The following SEC31A variants were observed in gnomAD, a reference collection of about 807,000 sequenced individuals.
SEC31A encodes the protein SEC31 homolog A, COPII component.
In SEC31A, 70 loss-of-function variants were observed where a neutral mutation model predicts 151.0. That is an observed-to-expected ratio of 0.46 (90% CI 0.38 to 0.57). SEC31A has a LOEUF of 0.57. Among genes scored for constraint, SEC31A ranks in the 20% least tolerant of loss-of-function variants. The probability of loss-of-function intolerance (pLI) is 0.00; values close to 1 mark genes in which losing one functional copy is unlikely to be tolerated. For missense variants in SEC31A, 1,330 were observed against 1,471.2 expected, an observed-to-expected ratio of 0.90 and a Z score of 1.57; for synonymous variants, 475 against 505.9, an observed-to-expected ratio of 0.94 and a Z score of 0.82.
chr4:82,898,537 C>G (rs1443150862), intron 3 of SEC31A, among the ~76,000 whole-genome samples: 5 of 152,184 alleles, frequency 3.3e-5, no homozygotes, highest in Non-Finnish European at 7.3e-5. Flanking sequence ...GTAGGAAGCA[C>G]ACTATTTCAT....
intron 17 of SEC31A, among the ~76,000 whole-genome samples, chr4:82,854,647 G>A (rs892594044): frequency 7.3e-5 from 11 of 150,422 alleles, no homozygotes; most frequent in African/African-American, 2.4e-4. Flanking sequence ...AGATCATACA[G>A]CTACTAAGTA....
chr4:82,842,342 C>A lies in SEC31A; in HGVS notation c.2766G>T (p.Gln922His). The stretch of plus-strand genomic sequence containing the variant: ...GGTGCTGTGCTGCGTACAGCTGAGA[C>A]TGCCCAGTATAGGAAGAAGCAGAAG... ...YISSASSYTG[Q>H]SQLYAAQHQA... The change falls in exon 22 of 27, where the codon CAG (glutamine) becomes CAT (histidine). Residue 922 changes from glutamine to histidine, a missense_variant. Gln to His is a conservative substitution (Grantham distance 24). Transcript: ENST00000395310. 6.2e-7 allele frequency: 1 copy of A among 1,613,694 alleles called. No individual in the cohort carries two copies. Among genetic ancestry groups the A allele is most frequent in the South Asian group, 1.1e-5 (1 of 91,020 alleles).
intron 1 of SEC31A, among the ~76,000 whole-genome samples, chr4:82,884,857 T>C (rs977113893): frequency 6.6e-6 from 1 of 152,176 alleles, no homozygotes; most frequent in Non-Finnish European, 1.5e-5. Context: ...AGATCTCCTA[T>C]ATCCTTACTT....
intron 3 of SEC31A, chr4:82,899,663 G>C (rs1247978585): frequency 6.6e-6 from 1 of 152,532 alleles, no homozygotes; most frequent in Non-Finnish European, 1.5e-5. Context: ...ATTCCATTCA[G>C]AGAAGATACA....
Position 82,857,236 on chromosome 4 carries a change from C to G in SEC31A, c.1703-106G>C. ...TTTTATATATATACATGAATGGAGA[C>G]CACAACACTAATTTCTGATTACTAG... On this transcript the variant is annotated intron_variant, in intron 15 of 26. Coordinates refer to ENST00000395310, the MANE Select transcript of SEC31A (RefSeq NM_001077207.4). 1.3e-5 allele frequency: 11 copies of G among 872,208 alleles called. No homozygotes were observed. The South Asian group carries it at 1.5e-4, about 12-fold the overall frequency. 54.0% of individuals were successfully genotyped at this position (872,208 alleles called of 1,614,324 possible). A position where few individuals can be genotyped will look rare whatever the true frequency, so the allele number is the denominator to read the frequency against.
At chr4:82,824,752 AACAGAAACCGACAACCTTGT>A in intron 24 of SEC31A, 78 bp from the exon 25 acceptor site, 1 of 1,512,002 alleles carries the variant, frequency 6.6e-7, no homozygotes, top group Non-Finnish European at 8.9e-7. Context: ...CTATGTGATA[AACAGAAACCGACAACCTTGT>A]ACATAGACCT....
intron 8 of SEC31A, among the ~76,000 whole-genome samples, chr4:82,868,496 G>C (rs1420079333): frequency 6.9e-6 from 1 of 144,722 alleles, no homozygotes; most frequent in Non-Finnish European, 1.5e-5. Flanking sequence ...GCAAGACCCT[G>C]ACAAAAAAAT....
At chr4:82,849,071 T>A in intron 19 of SEC31A, 94 bp from the exon 20 acceptor site, 1 of 1,150,566 alleles carries the variant, frequency 8.7e-7, no homozygotes, top group South Asian at 1.5e-5. Flanking sequence ...CATCAAGATA[T>A]CCCTTTTTGT....
At chr4:82,827,309 A>G (rs1724831681) in intron 24 of SEC31A, 60 bp downstream of exon 24, 2 of 1,533,406 alleles carry the variant, frequency 1.3e-6, no homozygotes, top group Non-Finnish European at 1.8e-6. Context: ...TTAGCACATT[A>G]AAGAAAATAT....
intron 22 of SEC31A, among the ~76,000 whole-genome samples, chr4:82,832,248 C>A (rs1726113286): frequency 2.0e-5 from 3 of 152,186 alleles, no homozygotes; most frequent in African/African-American, 7.2e-5. Flanking sequence ...CTCAGAAATA[C>A]CACCACACAT....
intron 7 of SEC31A, chr4:82,871,311 TACAC>T (rs10548601): frequency 0.26 from 317,508 of 1,233,720 alleles, 26,024 homozygotes; most frequent in African/African-American, 0.44. Flanking sequence ...TATACATGCA[TACAC>T]ACACACACAC....
Position 82,842,414 on chromosome 4 carries a change from A to AGGCT in SEC31A, c.2690_2693dup (p.Val899AlafsTer12), listed in dbSNP as rs1230769751. Reference sequence around the variant, plus strand: ...AAGCGTTTGAAGTAGGAGGAGCAACAGGCTGCTGAGGTCGATACATTGCTG... The same window carrying AGGCT: ...AAGCGTTTGAAGTAGGAGGAGCAACAGGCTGGCTGCTGAGGTCGATACATTGCTG... On this transcript the variant is annotated frameshift_variant, in exon 22 of 27. Coordinates refer to ENST00000395310, the MANE Select transcript of SEC31A (RefSeq NM_001077207.4). LOFTEE classifies it high-confidence loss of function. 1 of 1,613,894 alleles carries AGGCT rather than the reference A, an allele frequency of 6.2e-7. No homozygotes were observed. The highest frequency in any genetic ancestry group is 8.5e-7 in the Non-Finnish European group (1 of 1,179,976).
Position 82,824,600 on chromosome 4 carries a change from T to C in SEC31A, c.3366A>G (p.Thr1122=). The change falls in exon 25 of 27, where the codon ACA becomes ACG. Residue 1122 remains threonine, a synonymous_variant. Coordinates refer to ENST00000395310, the MANE Select transcript of SEC31A (RefSeq NM_001077207.4). ...IPDEHLILKT[T]FEDLIQRCLS... ...GGCAGCGCTGAATAAGATCCTCAAA[T>C]GTGGTCTTTAGAATGAGGTGCTCAT... The C allele has an allele frequency of 6.2e-7, 1 of 1,614,046 alleles. No homozygotes were observed. The highest frequency in any genetic ancestry group is 1.7e-5 in the Admixed American group (1 of 60,008).
chr4:82,823,858 T>C (rs1723963012), intron 25 of SEC31A, among the ~76,000 whole-genome samples: 1 of 152,228 alleles, frequency 6.6e-6, no homozygotes, highest in Non-Finnish European at 1.5e-5. Flanking sequence ...TCCATTTATG[T>C]GCCAAATACA....
At chr4:82,898,119 A>G (rs955236941) in intron 3 of SEC31A, 3 of 152,238 alleles carry the variant, frequency 2.0e-5, no homozygotes, top group Non-Finnish European at 4.4e-5. Context: ...GCCTTTGCAA[A>G]TAACACTATC....
At position 82,821,032 on chromosome 4, in the gene SEC31A, C is replaced by CT; in HGVS notation, c.3483+4dup. On this transcript the variant is annotated splice_donor_region_variant and intron_variant, in intron 26 of 26. Coordinates refer to ENST00000395310, the MANE Select transcript of SEC31A (RefSeq NM_001077207.4). ...TATCATAAATCCTTTTCCTCCAAAA[C>CT]TTACTGTCTGTTCCCTAAGTTTATC... The CT allele has an allele frequency of 1.2e-6, 2 of 1,608,756 alleles. No individual in the cohort carries two copies. The highest frequency in any genetic ancestry group is 1.7e-6 in the Non-Finnish European group (2 of 1,175,422).
chr4:82,858,542 CAAAAAAAAAAA>C lies in SEC31A; in HGVS notation c.1627-789_1627-779del, dbSNP rs201988682. On this transcript the variant is annotated intron_variant, in intron 14 of 26. Transcript: ENST00000395310. ...CTGGCGACAGAGCGAGACTCTGTCTCAAAAAAAAAAAAAAAAAAAAAAAAAAAAGAACACTA... is the reference window on the plus strand; with the variant it reads ...CTGGCGACAGAGCGAGACTCTGTCTCAAAAAAAAAAAAAAAAAGAACACTA... 8.9e-3 allele frequency among the ~76,000 whole-genome samples: 559 copies of C among 62,930 alleles called. 5 individuals carry two copies. The highest frequency in any genetic ancestry group is 0.022 in the African/African-American group (522 of 23,536). 41.3% of individuals were successfully genotyped at this position (62,930 alleles called of 152,430 possible).
At chr4:82,888,637 C>T (rs1741510209) in intron 1 of SEC31A, among the ~76,000 whole-genome samples, 1 of 151,374 alleles carries the variant, frequency 6.6e-6, no homozygotes, top group South Asian at 2.1e-4. Context: ...TGCAGTGAGC[C>T]GAGATCGCGC....
chr4:82,896,166 G>C (rs1720051797), upstream of SEC31A, among the ~76,000 whole-genome samples: 2 of 152,214 alleles, frequency 1.3e-5, no homozygotes. Flanking sequence ...AAAGCCAGAA[G>C]TCTGTATCTG....
Sources: allele counts gnomAD v4.1 joint callset (sites outside exome capture counted in the v4.1 genomes callset), GRCh38; gene constraint gnomAD v4.1.1; transcripts MANE v1.5; gene names NCBI Gene and HGNC (gene_info 2026-07-23, HGNC 2026-07-21).